Variants in CERT1 observed in about 807,000 individuals in gnomAD.
The protein encoded by CERT1 is ceramide transfer protein.
Under a neutral mutation model 87.9 loss-of-function variants are expected in CERT1, and 31 were observed. That is an observed-to-expected ratio of 0.35 (90% CI 0.27 to 0.48). CERT1 has a LOEUF of 0.48. Ranked by LOEUF, CERT1 falls within the 20% of genes least tolerant of loss-of-function variation. The pLI, the probability that CERT1 is intolerant of heterozygous loss-of-function variation, is 0.99. For missense variants in CERT1, 487 were observed against 758.0 expected, an observed-to-expected ratio of 0.64 and a Z score of 4.20; for synonymous variants, 289 against 250.9, an observed-to-expected ratio of 1.15 and a Z score of -1.44.
rs148782488 is a variant in CERT1 at position 75,445,419 on chromosome 5, C to T, written c.348+13646G>A. ...AGTGGCAAATAGCAAAGCTAATTCCCTTAGCTTTTGTTTATTTGGGCGTGT... is the reference window on the plus strand; with the variant it reads ...AGTGGCAAATAGCAAAGCTAATTCCTTTAGCTTTTGTTTATTTGGGCGTGT... On this transcript the variant is annotated intron_variant, in intron 3 of 16. Transcript: ENST00000643780. Among the ~76,000 whole-genome samples the T allele has an allele frequency of 1.3e-3, 201 of 152,310 alleles. 2 individuals are homozygous for T. The highest frequency in any genetic ancestry group is 4.6e-3 in the African/African-American group (192 of 41,576).
At chr5:75,494,062 T>C (rs1766940608) in intron 2 of CERT1, among the ~76,000 whole-genome samples, 1 of 152,230 alleles carries the variant, frequency 6.6e-6, no homozygotes. Context: ...GTTGGACATC[T>C]GAATAATGTG....
At chr5:75,452,893 T>C (rs1031891398) in intron 3 of CERT1, among the ~76,000 whole-genome samples, 1 of 152,196 alleles carries the variant, frequency 6.6e-6, no homozygotes, top group African/African-American at 2.4e-5. Context: ...ATGCAGAATA[T>C]TAATGGACTC....
At chr5:75,426,150 A>G (rs1466679127) in intron 4 of CERT1, among the ~76,000 whole-genome samples, 1 of 152,170 alleles carries the variant, frequency 6.6e-6, no homozygotes, top group Admixed American at 6.5e-5. Flanking sequence ...CAGTTTTTTT[A>G]TATTTTACCT....
chr5:75,461,001 A>C (rs1184601669), intron 2 of CERT1, among the ~76,000 whole-genome samples: 1 of 152,244 alleles, frequency 6.6e-6, no homozygotes, highest in South Asian at 2.1e-4. Flanking sequence ...GAAAGACATA[A>C]GCGATAACGT....
chr5:75,449,257 A>T (rs1764679265), intron 3 of CERT1, among the ~76,000 whole-genome samples: 1 of 152,222 alleles, frequency 6.6e-6, no homozygotes. Context: ...ATAGGATAGG[A>T]GAGCAAAAGT....
At chr5:75,457,771 T>A (rs926793403) in intron 3 of CERT1, among the ~76,000 whole-genome samples, 5 of 151,656 alleles carry the variant, frequency 3.3e-5, no homozygotes, top group Non-Finnish European at 7.4e-5. Flanking sequence ...TGTAGGGGTG[T>A]GTGTGTGTGT....
chr5:75,417,107 G>A, intron 6 of CERT1, 74 bp from the exon 7 acceptor site: 2 of 1,243,506 alleles, frequency 1.6e-6, no homozygotes, highest in African/African-American at 1.5e-5. Flanking sequence ...ATTAGAAAAT[G>A]TTTAGAAAAT....
At chr5:75,411,300 T>C (rs1762925606) in intron 7 of CERT1, among the ~76,000 whole-genome samples, 197 bp from the exon 8 acceptor site, 1 of 149,716 alleles carries the variant, frequency 6.7e-6, no homozygotes, top group South Asian at 2.3e-4. Context: ...TACAACCTAC[T>C]ATTTATGTAT....
chr5:75,405,115 G>A (rs1224534527), intron 8 of CERT1, among the ~76,000 whole-genome samples: 4 of 152,008 alleles, frequency 2.6e-5, no homozygotes, highest in African/African-American at 9.7e-5. Flanking sequence ...AAAGGAATTG[G>A]CATAAAATTT....
At chr5:75,484,415 T>C (rs1766405702) in intron 2 of CERT1, among the ~76,000 whole-genome samples, 1 of 148,944 alleles carries the variant, frequency 6.7e-6, no homozygotes, top group Admixed American at 6.7e-5. Flanking sequence ...AGTATGAATG[T>C]ATATGGACTA....
intron 6 of CERT1, among the ~76,000 whole-genome samples, chr5:75,417,493 C>T (rs986923073): frequency 1.3e-5 from 2 of 152,138 alleles, no homozygotes; most frequent in African/African-American, 4.8e-5. Context: ...CACTTAAACT[C>T]AATGCCTTTT....
At chr5:75,414,716 C>A (rs1007583308) in intron 7 of CERT1, among the ~76,000 whole-genome samples, 1 of 151,998 alleles carries the variant, frequency 6.6e-6, no homozygotes, top group African/African-American at 2.4e-5. Flanking sequence ...CTGAAAGAAT[C>A]CTGGAACTGA....
chr5:75,381,458 C>G (rs1761582020), intron 15 of CERT1, among the ~76,000 whole-genome samples: 1 of 151,740 alleles, frequency 6.6e-6, no homozygotes, highest in Admixed American at 6.6e-5. Context: ...GGGCTCAAAG[C>G]AATCCTCCCG....
intron 7 of CERT1, among the ~76,000 whole-genome samples, chr5:75,415,311 AGTAGT>A (rs1283364441): frequency 6.6e-6 from 1 of 152,198 alleles, no homozygotes; most frequent in East Asian, 1.9e-4. Flanking sequence ...TATAAAACAC[AGTAGT>A]GTCCAGATTT....
chr5:75,420,553 C>G (rs1763334794), intron 5 of CERT1, among the ~76,000 whole-genome samples: 1 of 152,056 alleles, frequency 6.6e-6, no homozygotes, highest in South Asian at 2.1e-4. Context: ...CCATGTTAGC[C>G]AGGAATCCGG....
chr5:75,430,976 G>C (rs1192789150), intron 3 of CERT1, among the ~76,000 whole-genome samples: 2 of 152,164 alleles, frequency 1.3e-5, no homozygotes, highest in East Asian at 3.9e-4. Flanking sequence ...AGAAGTTCGA[G>C]ATAGCACTGA....
At chr5:75,434,609 C>T (rs1764011777) in intron 3 of CERT1, among the ~76,000 whole-genome samples, 1 of 151,088 alleles carries the variant, frequency 6.6e-6, no homozygotes, top group Admixed American at 6.6e-5. Context: ...GCTATGAATC[C>T]ATGTGGTCCA....
intron 7 of CERT1, among the ~76,000 whole-genome samples, chr5:75,411,401 C>T (rs1762931246): frequency 6.6e-6 from 1 of 152,186 alleles, no homozygotes; most frequent in Non-Finnish European, 1.5e-5. Context: ...GCAACCTCCG[C>T]CTCCTGGGTT....
chr5:75,408,371 G>A (rs1388108359), intron 8 of CERT1, among the ~76,000 whole-genome samples: 1 of 152,168 alleles, frequency 6.6e-6, no homozygotes, highest in Non-Finnish European at 1.5e-5. Flanking sequence ...GGAAAACTTT[G>A]TAATTTGGAG....
Sources: allele counts gnomAD v4.1 joint callset (sites outside exome capture counted in the v4.1 genomes callset), GRCh38; gene constraint gnomAD v4.1.1; transcripts MANE v1.5; gene names NCBI Gene and HGNC (gene_info 2026-07-23, HGNC 2026-07-21).